FHOD3: variants seen among roughly 807,000 people sequenced by gnomAD.
FHOD3 encodes the protein formin homology 2 domain containing 3, also known as FH1/FH2 domain-containing protein 3.
FHOD3 carries 90 observed loss-of-function variants against 173.0 expected under a neutral mutation model. That is an observed-to-expected ratio of 0.52 (90% CI 0.44 to 0.62). FHOD3 has a LOEUF of 0.62. Among genes scored for constraint, FHOD3 ranks in the 20% least tolerant of loss-of-function variants. The pLI, the probability that FHOD3 is intolerant of heterozygous loss-of-function variation, is 0.00. For missense variants in FHOD3, 1,945 were observed against 2,034.7 expected (o/e 0.96, Z 0.85); for synonymous variants, 828 against 823.0 (o/e 1.01, Z -0.10).
intron 3 of FHOD3, among the ~76,000 whole-genome samples, chr18:36,449,300 T>C (rs2051685354): frequency 6.6e-6 from 1 of 151,612 alleles, no homozygotes; most frequent in Non-Finnish European, 1.5e-5. Context: ...GTTATTCTTA[T>C]GAAGTAAAAC....
chr18:36,297,919 G>C lies in FHOD3; in HGVS notation c.84G>C (p.Pro28=). The change falls in exon 1 of 29, where the codon CCG becomes CCC. Residue 28 remains proline (P), a synonymous_variant. Coordinates refer to ENST00000590592, the MANE Select transcript of FHOD3 (RefSeq NM_001281740.3). ...NSTNFPEPSR[P]PLFTFREDLA... is the part of the protein sequence containing the mutation. ...CCAACTTCCCCGAGCCCAGCCGGCC[G>C]CCGCTGTTCACGTTCCGCGAGGACC... 2 of 1,561,900 alleles carry C rather than the reference G, an allele frequency of 1.3e-6. No homozygotes were observed. Among genetic ancestry groups the C allele is most frequent in the Non-Finnish European group, 1.7e-6 (2 of 1,154,516 alleles).
At chr18:36,543,540 A>G (rs1246884959) in intron 5 of FHOD3, among the ~76,000 whole-genome samples, 1 of 152,210 alleles carries the variant, frequency 6.6e-6, no homozygotes, top group Non-Finnish European at 1.5e-5. Context: ...AGAAACCCTA[A>G]TCAGTCCACC....
At position 36,462,837 on chromosome 18, in the gene FHOD3, G is replaced by A. The variant is rs373380392; in HGVS notation, c.338-39095G>A. Reference sequence around the variant, plus strand: ...AGATGGGATCTACCTATATTGCCCCGATTAATCTTGAACTCCTGGCTCAAG... The same window carrying A: ...AGATGGGATCTACCTATATTGCCCCAATTAATCTTGAACTCCTGGCTCAAG... On this transcript the variant is annotated intron_variant, in intron 3 of 28. Coordinates refer to ENST00000590592, the MANE Select transcript of FHOD3 (RefSeq NM_001281740.3). Among the ~76,000 whole-genome samples, 23 of 152,230 alleles carry A rather than the reference G, an allele frequency of 1.5e-4. 1 individual carries two copies. Among genetic ancestry groups the A allele is most frequent in the Admixed American group, 3.9e-4 (6 of 15,276 alleles).
chr18:36,691,760 T>G (rs1319959622), intron 16 of FHOD3, among the ~76,000 whole-genome samples: 2 of 152,220 alleles, frequency 1.3e-5, no homozygotes, highest in Admixed American at 6.5e-5. Context: ...GGGCTGCAGG[T>G]GGACCTCTGC....
chr18:36,596,243 C>T (rs1211487222), intron 7 of FHOD3, among the ~76,000 whole-genome samples: 1 of 151,556 alleles, frequency 6.6e-6, no homozygotes, highest in Non-Finnish European at 1.5e-5. Flanking sequence ...CAAGCTCCAC[C>T]TCGTGGGTTC....
chr18:36,501,865 C>G (rs2055048794), intron 3 of FHOD3, 67 bp from the exon 4 acceptor site: 3 of 1,115,062 alleles, frequency 2.7e-6, no homozygotes, highest in Non-Finnish European at 3.9e-6. Flanking sequence ...TCATTCATAT[C>G]CTGTCTGTGT....
At chr18:36,748,380 ACAACAC>A (rs1486969087) in intron 24 of FHOD3, among the ~76,000 whole-genome samples, 5 of 121,206 alleles carry the variant, frequency 4.1e-5, no homozygotes, top group Admixed American at 8.5e-5. Flanking sequence ...ACACACACAC[ACAACAC>A]ACACACACAC....
chr18:36,659,459 G>T (rs2036633783), intron 14 of FHOD3, among the ~76,000 whole-genome samples: 1 of 152,188 alleles, frequency 6.6e-6, no homozygotes, highest in African/African-American at 2.4e-5. Context: ...GTCCTGAAAA[G>T]GTCACCATAC....
At chr18:36,370,314 TA>T (rs202164210) in intron 2 of FHOD3, among the ~76,000 whole-genome samples, 2 of 151,742 alleles carry the variant, frequency 1.3e-5, no homozygotes, top group African/African-American at 2.4e-5. Context: ...ATTAAACTTC[TA>T]AAAAAAATAG....
intron 3 of FHOD3, among the ~76,000 whole-genome samples, chr18:36,459,057 C>T (rs769549168): frequency 1.5e-4 from 23 of 152,160 alleles, no homozygotes; most frequent in Admixed American, 3.9e-4. Flanking sequence ...AAGACTTCTG[C>T]CTTGTGAGAA....
At chr18:36,687,710 T>TGGAATC (rs2038714130) in intron 16 of FHOD3, among the ~76,000 whole-genome samples, 2 of 152,248 alleles carry the variant, frequency 1.3e-5, no homozygotes, top group Admixed American at 6.5e-5. Context: ...GCTTGGCATG[T>TGGAATC]AGTTGGGACT....
At chr18:36,304,906 G>A (rs2092051630) in intron 1 of FHOD3, among the ~76,000 whole-genome samples, 1 of 152,198 alleles carries the variant, frequency 6.6e-6, no homozygotes, top group Admixed American at 6.5e-5. Flanking sequence ...TAGCCACACT[G>A]GGGTGTTGTC....
chr18:36,466,325 G>A (rs1205390394), intron 3 of FHOD3, among the ~76,000 whole-genome samples: 1 of 152,178 alleles, frequency 6.6e-6, no homozygotes, highest in African/African-American at 2.4e-5. Context: ...TCTATACTGA[G>A]GTTTGCAGCA....
intron 5 of FHOD3, among the ~76,000 whole-genome samples, chr18:36,545,260 C>T (rs550272492): frequency 6.6e-6 from 1 of 152,138 alleles, no homozygotes; most frequent in South Asian, 2.1e-4. Flanking sequence ...CCATTCTGGC[C>T]AAGATGATAG....
chr18:36,697,760 G>A (rs2039369385), intron 17 of FHOD3, among the ~76,000 whole-genome samples: 1 of 152,154 alleles, frequency 6.6e-6, no homozygotes, highest in African/African-American at 2.4e-5. Context: ...GATTCCTGTA[G>A]CCTCCTGATC....
intron 3 of FHOD3, among the ~76,000 whole-genome samples, chr18:36,490,068 G>A (rs900712379): frequency 6.6e-6 from 1 of 152,154 alleles, no homozygotes; most frequent in Admixed American, 6.5e-5. Context: ...ACAGCATCAC[G>A]GTGCTGCCTC....
chr18:36,612,056 G>A lies in FHOD3; in HGVS notation c.918G>A (p.Gly306=), dbSNP rs61735990. 1,373 of 1,614,128 alleles carry A rather than the reference G, an allele frequency of 8.5e-4. 11 individuals are homozygous for A. In the African/African-American group the frequency reaches 0.016, roughly 19 times the overall value. The change falls in exon 9 of 29, where the codon GGG becomes GGA. Residue 306 remains glycine, a synonymous_variant. Coordinates refer to ENST00000590592, the MANE Select transcript of FHOD3 (RefSeq NM_001281740.3). ...AVSQRHLNKK[G]TDLDLVEQLN... ...CCCAGAGGCACTTGAACAAGAAAGG[G>A]ACTGACCTGGACTTAGTGGAGCAAC... is the stretch of plus-strand genomic sequence containing the variant.
At chr18:36,347,071 A>G (rs970089059) in intron 1 of FHOD3, among the ~76,000 whole-genome samples, 1 of 152,226 alleles carries the variant, frequency 6.6e-6, no homozygotes, top group Non-Finnish European at 1.5e-5. Flanking sequence ...TCCCCAGGAC[A>G]CAGTGTAGTG....
intron 19 of FHOD3, among the ~76,000 whole-genome samples, chr18:36,728,093 CA>C (rs990116593): frequency 2.0e-5 from 3 of 152,156 alleles, no homozygotes; most frequent in African/African-American, 7.2e-5. Flanking sequence ...ATCAGGAAAA[CA>C]AAAGCCAGAA....
Sources: gnomAD v4.1 joint callset for allele counts (sites outside exome capture counted in the v4.1 genomes callset) on GRCh38, gnomAD v4.1.1 for gene constraint, MANE v1.5 for transcripts, NCBI Gene and HGNC (gene_info 2026-07-23, HGNC 2026-07-21) for gene names.